The following VTI1A variants were observed in gnomAD, a reference collection of about 807,000 sequenced individuals.
The protein encoded by VTI1A is vesicle transport through interaction with t-SNAREs 1A, also known as vesicle transport through interaction with t-SNAREs homolog 1A.
VTI1A carries 22 observed loss-of-function variants against 34.9 expected under a neutral mutation model. The observed-to-expected ratio is 0.63, with a 90% CI of 0.45 to 0.90. The LOEUF (loss-of-function observed/expected upper bound fraction) is 0.90, where lower values mean the gene tolerates loss of function less well. Ranked by LOEUF, VTI1A falls within the 40% of genes least tolerant of loss-of-function variation. The probability of loss-of-function intolerance (pLI) is 0.00; values close to 1 mark genes in which losing one functional copy is unlikely to be tolerated. For synonymous variants in VTI1A, 87 were observed against 97.3 expected, an observed-to-expected ratio of 0.89 and a Z score of 0.62; for missense variants, 268 against 275.6, an observed-to-expected ratio of 0.97 and a Z score of 0.20.
chr10:112,793,751 C>T (rs981657738), intron 7 of VTI1A, among the ~76,000 whole-genome samples: 1 of 152,322 alleles, frequency 6.6e-6, no homozygotes, highest in East Asian at 1.9e-4. Flanking sequence ...TGATTGTGTG[C>T]TCCGATAGGA....
chr10:112,534,699 C>G (rs1483329758), intron 4 of VTI1A, among the ~76,000 whole-genome samples: 1 of 152,026 alleles, frequency 6.6e-6, no homozygotes, highest in African/African-American at 2.4e-5. Flanking sequence ...TTTATCTTCC[C>G]TACAGGGGAG....
intron 5 of VTI1A, chr10:112,548,688 TG>T: frequency 8.0e-7 from 1 of 1,248,936 alleles, no homozygotes; most frequent in Non-Finnish European, 1.2e-6. Flanking sequence ...GCAGCCTTCT[TG>T]TCCACTGCTT....
chr10:112,800,340 G>C (rs1282166871), intron 7 of VTI1A, among the ~76,000 whole-genome samples: 1 of 152,224 alleles, frequency 6.6e-6, no homozygotes, highest in Non-Finnish European at 1.5e-5. Context: ...GATGTGCCCT[G>C]TTGAGCCCTG....
intron 7 of VTI1A, among the ~76,000 whole-genome samples, chr10:112,748,319 G>C (rs1850978056): frequency 6.6e-6 from 1 of 152,104 alleles, no homozygotes; most frequent in African/African-American, 2.4e-5. Context: ...GAGAGGCTTT[G>C]CCCATTTTTC....
intron 5 of VTI1A, among the ~76,000 whole-genome samples, chr10:112,567,424 T>A (rs1023737213): frequency 1.3e-5 from 2 of 152,196 alleles, no homozygotes; most frequent in Non-Finnish European, 2.9e-5. Context: ...AATGTGAAAA[T>A]TTATTATTGC....
At chr10:112,636,149 C>T (rs962062093) in intron 5 of VTI1A, among the ~76,000 whole-genome samples, 2 of 152,198 alleles carry the variant, frequency 1.3e-5, no homozygotes, top group African/African-American at 4.8e-5. Flanking sequence ...GCACTCTGCA[C>T]AGATGCATTT....
At chr10:112,707,692 C>G (rs1849250161) in intron 7 of VTI1A, among the ~76,000 whole-genome samples, 3 of 152,290 alleles carry the variant, frequency 2.0e-5, no homozygotes, top group Middle Eastern at 3.4e-3. Context: ...ATTTTACATA[C>G]AAATAATTGA....
In VTI1A at chr10:112,717,463, G is replaced by C. The variant is rs557784149; in HGVS notation, c.560+48465G>C. Among the ~76,000 whole-genome samples the C allele has an allele frequency of 2.0e-5, 3 of 152,298 alleles. No individual in the cohort carries two copies. In the South Asian group the frequency reaches 6.2e-4, roughly 32 times the overall value. On this transcript the variant is annotated intron_variant, in intron 7 of 7. Coordinates refer to ENST00000393077, the MANE Select transcript of VTI1A (RefSeq NM_145206.4). ...CTCTCATGAGCCTTCTTCAGACAGA[G>C]ATCAGAGCTGGAACTATGTAGGGGG...
At chr10:112,620,900 T>G (rs1276513236) in intron 5 of VTI1A, among the ~76,000 whole-genome samples, 3 of 152,078 alleles carry the variant, frequency 2.0e-5, no homozygotes, top group African/African-American at 7.2e-5. Flanking sequence ...ATGAAGTGCC[T>G]TAGAATTGGT....
intron 5 of VTI1A, among the ~76,000 whole-genome samples, chr10:112,581,624 T>TATG (rs1251155099): frequency 6.6e-6 from 1 of 152,176 alleles, no homozygotes; most frequent in South Asian, 2.1e-4. Flanking sequence ...GATGATTGAT[T>TATG]ATGATGATGA....
chr10:112,466,814 T>C (rs1847911977), intron 3 of VTI1A, among the ~76,000 whole-genome samples: 1 of 123,200 alleles, frequency 8.1e-6, no homozygotes, highest in Non-Finnish European at 1.8e-5. Flanking sequence ...CAGAAATTTG[T>C]TTTCTCACAA....
At chr10:112,778,430 C>T (rs757569930) in intron 7 of VTI1A, among the ~76,000 whole-genome samples, 43 of 152,152 alleles carry the variant, frequency 2.8e-4, no homozygotes, top group Non-Finnish European at 4.7e-4. Context: ...CCACGTGAAC[C>T]GATTACCCAC....
chr10:112,614,748 G>T (rs1454214002), intron 5 of VTI1A, among the ~76,000 whole-genome samples: 2 of 152,096 alleles, frequency 1.3e-5, no homozygotes, highest in Non-Finnish European at 2.9e-5. Context: ...GTGAAATCAG[G>T]TTAATCCAAG....
At chr10:112,709,382 T>TCA (rs1849319858) in intron 7 of VTI1A, among the ~76,000 whole-genome samples, 1 of 152,112 alleles carries the variant, frequency 6.6e-6, no homozygotes. Context: ...CCCCTGGTGC[T>TCA]GTGGGCTGGC....
At chr10:112,732,750 T>G (rs1850311113) in intron 7 of VTI1A, among the ~76,000 whole-genome samples, 1 of 152,184 alleles carries the variant, frequency 6.6e-6, no homozygotes, top group Non-Finnish European at 1.5e-5. Flanking sequence ...AACCCTTTAT[T>G]CCCCTTGGGC....
At chr10:112,514,008 A>G (rs910530642) in intron 3 of VTI1A, among the ~76,000 whole-genome samples, 1 of 151,972 alleles carries the variant, frequency 6.6e-6, no homozygotes, top group African/African-American at 2.4e-5. Context: ...TAATATCAGG[A>G]TAATGCTAGG....
At chr10:112,583,979 G>A (rs1215844819) in intron 5 of VTI1A, among the ~76,000 whole-genome samples, 7 of 152,182 alleles carry the variant, frequency 4.6e-5, no homozygotes, top group Non-Finnish European at 7.3e-5. Context: ...TCATATGGCA[G>A]TCACATATAA....
intron 7 of VTI1A, among the ~76,000 whole-genome samples, chr10:112,783,401 G>GCGCACACA (rs1491281369): frequency 6.7e-6 from 1 of 150,310 alleles, no homozygotes; most frequent in Admixed American, 6.6e-5. Context: ...GCGTGCACGT[G>GCGCACACA]CACACACACA....
At chr10:112,569,461 A>G (rs1852037315) in intron 5 of VTI1A, among the ~76,000 whole-genome samples, 1 of 152,216 alleles carries the variant, frequency 6.6e-6, no homozygotes, top group Non-Finnish European at 1.5e-5. Context: ...AATTATGCCA[A>G]TTGACTTCTA....
Sources: allele counts gnomAD v4.1 joint callset (sites outside exome capture counted in the v4.1 genomes callset), GRCh38; gene constraint gnomAD v4.1.1; transcripts MANE v1.5; gene names NCBI Gene and HGNC (gene_info 2026-07-23, HGNC 2026-07-21).